The following MMP19 variants were observed in gnomAD, a reference collection of about 807,000 sequenced individuals.
MMP19 encodes matrix metalloproteinase-19.
A neutral mutation model predicts 46.6 loss-of-function variants in MMP19; 47 were observed. The observed-to-expected ratio is 1.01, with a 90% CI of 0.80 to 1.29. The LOEUF is 1.29. MMP19 is among the 50% of genes most tolerant of loss of function. The pLI is 0.00. For synonymous variants in MMP19, 222 were observed against 248.5 expected (o/e 0.89, Z 1.00); for missense variants, 589 against 643.5 (o/e 0.92, Z 0.92).
In MMP19 at chr12:55,835,780, A is replaced by G. The variant is rs1156780330; in HGVS notation, c.*1256T>C. On this transcript the variant is annotated 3_prime_UTR_variant, in exon 9 of 9. Coordinates refer to ENST00000322569, the MANE Select transcript of MMP19 (RefSeq NM_002429.6). Reference sequence around the variant, plus strand: ...TGTTTGGCCTTTCCCCCTGGGCCCCATAGGCTTAAACTACCCCCACCCCCA... The same window carrying G: ...TGTTTGGCCTTTCCCCCTGGGCCCCGTAGGCTTAAACTACCCCCACCCCCA... The G allele has an allele frequency of 6.6e-6, 1 of 150,958 alleles. No homozygotes were observed. The highest frequency in any genetic ancestry group is 2.4e-5 in the African/African-American group (1 of 40,954). The allele number at this position is 150,958 out of a possible 1,614,324, so 9.4% of individuals were successfully genotyped here.
chr12:55,838,645 G>A lies in MMP19; in HGVS notation c.856C>T (p.Pro286Ser), dbSNP rs1329432591. ...TCCAGTTCACTACTGCAAGGGTCTGGCATGGGACTGGGTTCTGTGGGCACT... is the reference window on the plus strand; with the variant it reads ...TCCAGTTCACTACTGCAAGGGTCTGACATGGGACTGGGTTCTGTGGGCACT... ...PPVPTEPSPMPDPCSSELDAM... is the reference protein window; with the variant it reads ...PPVPTEPSPMSDPCSSELDAM... The change falls in exon 6 of 9, where the codon CCA becomes TCA. Residue 286 changes from proline (P) to serine (S), a missense_variant. Physicochemically the swap from Pro to Ser is moderately conservative, Grantham distance 74 (BLOSUM62 -1). Coordinates refer to ENST00000322569, the MANE Select transcript of MMP19 (RefSeq NM_002429.6). 1 of 1,614,170 alleles carries A rather than the reference G, an allele frequency of 6.2e-7. No homozygotes were observed. The highest frequency in any genetic ancestry group is 1.1e-5 in the South Asian group (1 of 91,088).
chr12:55,841,623 T>G (rs1277567459), intron 2 of MMP19, among the ~76,000 whole-genome samples: 1 of 152,026 alleles, frequency 6.6e-6, no homozygotes, highest in Non-Finnish European at 1.5e-5. Context: ...CTCATTATGT[T>G]GCCCAGGTTG....
Position 55,839,680 on chromosome 12 carries a change from CT to C in MMP19, c.581del (p.Glu194GlyfsTer11). 1.2e-6 allele frequency: 2 copies of C among 1,614,254 alleles called. No individual in the cohort carries two copies. Among genetic ancestry groups the C allele is most frequent in the Non-Finnish European group, 1.7e-6 (2 of 1,180,038 alleles). On this transcript the variant is annotated frameshift_variant, in exon 5 of 9. Transcript: ENST00000322569. LOFTEE classifies it high-confidence loss of function. ...CACGGTAGGTCCCCTCAGTCCAGAA[CT>C]CGTCTTCGTCGAAGTGCACACTGCC... ...ELGSVHFDED[E>X]FWTEGTYRGV...
Position 55,837,892 on chromosome 12 carries a change from CAGGTTTCCG to C in MMP19, c.1002_1010del (p.Gly335_Leu337del). The C allele has an allele frequency of 6.2e-7, 1 of 1,613,294 alleles. No homozygotes were observed. Among genetic ancestry groups the C allele is most frequent in the Non-Finnish European group, 8.5e-7 (1 of 1,179,302 alleles). On this transcript the variant is annotated inframe_deletion, in exon 7 of 9. Coordinates refer to ENST00000322569, the MANE Select transcript of MMP19 (RefSeq NM_002429.6). ...TTCGAGGCGAGTAGACAGCAGCATC[CAGGTTTCCG>C]GGGAGCCCCTCCCAAAGGGCAGACA...
intron 2 of MMP19, 160 bp from the exon 3 acceptor site, chr12:55,841,396 G>A (rs868361564): frequency 1.4e-6 from 1 of 692,080 alleles, no homozygotes; most frequent in South Asian, 1.9e-5. Flanking sequence ...TCATAACTGG[G>A]ACTTTCTCTT....
In MMP19 at chr12:55,841,086, T is replaced by A. The variant is rs770827014; in HGVS notation, c.304+20A>T. On this transcript the variant is annotated intron_variant, in intron 3 of 8. Coordinates refer to ENST00000322569, the MANE Select transcript of MMP19 (RefSeq NM_002429.6). ...ACATCACCCCCTCCTCTCCCTCTCT[T>A]TTCCAGGCTCTGTTCTCACCCAGCA... The A allele has an allele frequency of 6.2e-7, 1 of 1,606,350 alleles. No homozygotes were observed. The highest frequency in any genetic ancestry group is 2.2e-5 in the East Asian group (1 of 44,662).
chr12:55,839,474 C>T, intron 5 of MMP19, 22 bp downstream of exon 5: 1 of 1,583,954 alleles, frequency 6.3e-7, no homozygotes, highest in South Asian at 1.1e-5. Context: ...GACCCTCCCC[C>T]TCACTAGGGG....
At position 55,836,964 on chromosome 12, in the gene MMP19, G is replaced by C. The variant is rs535074024; in HGVS notation, c.*72C>G. The C allele has an allele frequency of 3.7e-6, 5 of 1,347,286 alleles. No individual in the cohort carries two copies. Among genetic ancestry groups the C allele is most frequent in the East Asian group, 2.3e-5 (1 of 43,020 alleles). 83.5% of individuals were successfully genotyped at this position (1,347,286 alleles called of 1,614,324 possible). A position where few individuals can be genotyped will look rare whatever the true frequency, so the allele number is the denominator to read the frequency against. On this transcript the variant is annotated 3_prime_UTR_variant, in exon 9 of 9. Transcript: ENST00000322569. Reference sequence around the variant, plus strand: ...TTCAGCTATTAGGCCTTAGGCTTCTGGGGGGGAAATGAAAGGGTGGGTGGT... The same window carrying C: ...TTCAGCTATTAGGCCTTAGGCTTCTCGGGGGGAAATGAAAGGGTGGGTGGT...
Position 55,842,786 on chromosome 12 carries a change from T to C in MMP19, c.45A>G (p.Thr15=), listed in dbSNP as rs754726711. The change falls in exon 1 of 9, where the codon ACA becomes ACG. Residue 15 remains threonine (T), a synonymous_variant. Coordinates refer to ENST00000322569, the MANE Select transcript of MMP19 (RefSeq NM_002429.6). ...CAAGCCCCAGGACCCGGCCTGAGAC[T>C]GTCATGGGGAGTAGGAAGCCCAGCC... ...QLWLGFLLPM[T]VSGRVLGLAE... The C allele has an allele frequency of 1.2e-6, 2 of 1,607,110 alleles. No individual in the cohort carries two copies. Among genetic ancestry groups the C allele is most frequent in the Admixed American group, 1.7e-5 (1 of 59,124 alleles).
At chr12:55,842,250 T>C (rs1881747357) in intron 2 of MMP19, 103 bp downstream of exon 2, 1 of 881,466 alleles carries the variant, frequency 1.1e-6, no homozygotes, top group South Asian at 1.4e-5. Flanking sequence ...ATCCCTGGCA[T>C]GGTTTAGGGT....
Position 55,837,999 on chromosome 12 carries a change from C to G in MMP19, c.904G>C (p.Gly302Arg). Residue 302 changes from glycine (G) to arginine (R), a missense_variant, in exon 7 of 9, where the codon GGG becomes CGG. Transcript: ENST00000322569. The part of the protein sequence containing the change: ...ELDAMMLGPR[G>R]KTYAFKGDYV... Reference sequence around the variant, plus strand: ...TCCCCCTTGAAAGCATAGGTCTTCCCACGGGGCCCTGAGCGTAATGGTGTG... The same window carrying G: ...TCCCCCTTGAAAGCATAGGTCTTCCGACGGGGCCCTGAGCGTAATGGTGTG... 1 of 1,582,734 alleles carries G rather than the reference C, an allele frequency of 6.3e-7. No individual in the cohort carries two copies. The highest frequency in any genetic ancestry group is 8.6e-7 in the Non-Finnish European group (1 of 1,157,754).
chr12:55,837,214 C>A lies in MMP19; in HGVS notation c.1349G>T (p.Arg450Leu), dbSNP rs145938503. The change falls in exon 9 of 9, where the codon CGC (arginine) becomes CTC (leucine). Residue 450 changes from arginine to leucine, a missense_variant. Coordinates refer to ENST00000322569, the MANE Select transcript of MMP19 (RefSeq NM_002429.6). ...VYFFKGKVYW[R>L]LNQQLRVEKG... is the part of the protein sequence containing the mutation. ...CTCTACTCGAAGCTGCTGGTTGAGG[C>A]GCCAGTAGACTTTGCCCTTGAAGAA... 6.2e-7 allele frequency: 1 copy of A among 1,614,068 alleles called. No individual in the cohort carries two copies. Among genetic ancestry groups the A allele is most frequent in the Middle Eastern group, 1.6e-4 (1 of 6,084 alleles).
At position 55,838,733 on chromosome 12, in the gene MMP19, G is replaced by T; in HGVS notation, c.768C>A (p.Gly256=). 1 of 1,584,718 alleles carries T rather than the reference G, an allele frequency of 6.3e-7. No individual in the cohort carries two copies. The change falls in exon 6 of 9, where the codon GGC becomes GGA. Residue 256 remains glycine, a splice_region_variant and synonymous_variant. Coordinates refer to ENST00000322569, the MANE Select transcript of MMP19 (RefSeq NM_002429.6). ...DDVAGIQALY[G]KKSPVIRDEE... is the part of the protein sequence containing the mutation. ...CATCCCTTATCACTGGACTCTTCTT[G>T]CCTATAAGGTAAAGTAATGCTGCTT... is the stretch of plus-strand genomic sequence containing the variant.
In MMP19 at chr12:55,839,734, G is replaced by A. The variant is rs2291267; in HGVS notation, c.528C>T (p.Val176=). The change falls in exon 5 of 9, where the codon GTC becomes GTT. Residue 176 remains valine (V), a synonymous_variant. Transcript: ENST00000322569. ...CSNTFDGPGR[V]LAHADIPELG... ...GCTCTGGGATGTCGGCATGGGCCAG[G>A]ACTCTCCCTGGACAAAGGCAAAGGT... 0.06 allele frequency: 96,070 copies of A among 1,610,530 alleles called. 3,259 individuals are homozygous for A. The highest frequency in any genetic ancestry group is 0.12 in the Admixed American group (7,171 of 59,404).
chr12:55,841,569 TC>T lies in MMP19; in HGVS notation c.174-334del, dbSNP rs1356697070. Reference sequence around the variant, plus strand: ...TTCCTTCCTTCCTTTCTTTTTCTTCTCTCTTTCTTTCTTCCTTTCTTTCTTT... The same window carrying T: ...TTCCTTCCTTCCTTTCTTTTTCTTCTTCTTTCTTTCTTCCTTTCTTTCTTT... On this transcript the variant is annotated intron_variant, in intron 2 of 8. Coordinates refer to ENST00000322569, the MANE Select transcript of MMP19 (RefSeq NM_002429.6). Among the ~76,000 whole-genome samples the T allele has an allele frequency of 7.6e-3, 1,128 of 149,072 alleles. 7 individuals are homozygous for T. The highest frequency in any genetic ancestry group is 0.013 in the Non-Finnish European group (877 of 66,358).
intron 2 of MMP19, chr12:55,841,526 CCT>C (rs1881698541): frequency 2.7e-5 from 7 of 259,782 alleles, no homozygotes; most frequent in Non-Finnish European, 5.2e-5. Flanking sequence ...TTCCTTCCTT[CCT>C]TCCTTCCTTC....
chr12:55,837,989 T>C lies in MMP19; in HGVS notation c.914A>G (p.Tyr305Cys), dbSNP rs754711050. 1.5e-5 allele frequency: 24 copies of C among 1,587,508 alleles called. No individual in the cohort carries two copies. Among genetic ancestry groups the C allele is most frequent in the East Asian group, 1.4e-4 (6 of 44,190 alleles). Reference sequence around the variant, plus strand: ...CCACACATAGTCCCCCTTGAAAGCATAGGTCTTCCCACGGGGCCCTGAGCG... The same window carrying C: ...CCACACATAGTCCCCCTTGAAAGCACAGGTCTTCCCACGGGGCCCTGAGCG... ...AMMLGPRGKT[Y>C]AFKGDYVWTV... Residue 305 changes from tyrosine (Y) to cysteine (C), a missense_variant, in exon 7 of 9, where the codon TAT becomes TGT. By Grantham distance (194) the Tyr-to-Cys change is radical (BLOSUM62 -2). Transcript: ENST00000322569.
At chr12:55,840,034 A>C (rs1010981289) in intron 4 of MMP19, 13 of 357,388 alleles carry the variant, frequency 3.6e-5, no homozygotes, top group Non-Finnish European at 6.1e-5. Flanking sequence ...GGAGAAAAAG[A>C]AGCATAGGCA....
Position 55,838,733 on chromosome 12 carries a change from G to C in MMP19, c.768C>G (p.Gly256=). 1 of 1,584,718 alleles carries C rather than the reference G, an allele frequency of 6.3e-7. No individual in the cohort carries two copies. Among genetic ancestry groups the C allele is most frequent in the Non-Finnish European group, 8.6e-7 (1 of 1,163,468 alleles). Reference sequence around the variant, plus strand: ...CATCCCTTATCACTGGACTCTTCTTGCCTATAAGGTAAAGTAATGCTGCTT... The same window carrying C: ...CATCCCTTATCACTGGACTCTTCTTCCCTATAAGGTAAAGTAATGCTGCTT... ...DDVAGIQALY[G]KKSPVIRDEE... is the part of the protein sequence containing the mutation. Residue 256 remains glycine (G), a splice_region_variant and synonymous_variant, in exon 6 of 9, where the codon GGC becomes GGG. Transcript: ENST00000322569.
Sources: allele counts gnomAD v4.1 joint callset (sites outside exome capture counted in the v4.1 genomes callset), GRCh38; gene constraint gnomAD v4.1.1; transcripts MANE v1.5; gene names NCBI Gene and HGNC (gene_info 2026-07-23, HGNC 2026-07-21).